PPP1R18: variants seen among roughly 807,000 people sequenced by gnomAD.
The protein encoded by PPP1R18 is phostensin.
PPP1R18 carries 31 observed loss-of-function variants against 54.8 expected under a neutral mutation model. The ratio of observed to expected loss-of-function variants is 0.57; its 90% CI spans 0.43 to 0.76. PPP1R18 has a LOEUF of 0.76. PPP1R18 is among the 30% of genes least tolerant of loss of function. The pLI is 0.00. For synonymous variants in PPP1R18, 310 were observed against 320.2 expected, an observed-to-expected ratio of 0.97 and a Z score of 0.34; for missense variants, 685 against 776.1, an observed-to-expected ratio of 0.88 and a Z score of 1.39.
Position 30,684,698 on chromosome 6 carries a change from G to A in PPP1R18, c.1321C>T (p.Pro441Ser), listed in dbSNP as rs1009271733. 2.7e-6 allele frequency: 4 copies of A among 1,478,662 alleles called. No homozygotes were observed. The highest frequency in any genetic ancestry group is 2.2e-4 in the Middle Eastern group (1 of 4,502). The allele number at this position is 1,478,662 out of a possible 1,614,324, so 91.6% of individuals were successfully genotyped here. Residue 441 changes from proline (P) to serine (S), a missense_variant, in exon 1 of 3, where the codon CCC (proline) becomes TCC (serine). By Grantham distance (74) the Pro-to-Ser change is moderately conservative. Coordinates refer to ENST00000274853, the MANE Select transcript of PPP1R18 (RefSeq NM_133471.4). The surrounding 1 kb of genome is among the most constrained non-coding windows in gnomAD (Gnocchi z 6.0). ...LSPPPPAPTA[P>S]QPPGDPLMSR... Reference sequence around the variant, plus strand: ...ATGAGGGGATCCCCAGGAGGTTGGGGGGCAGTTGGGGCTGGGGGTGGGGGA... The same window carrying A: ...ATGAGGGGATCCCCAGGAGGTTGGGAGGCAGTTGGGGCTGGGGGTGGGGGA...
chr6:30,681,763 A>G (rs7745278), intron 1 of PPP1R18, among the ~76,000 whole-genome samples: 11,231 of 151,696 alleles, frequency 0.074, 756 homozygotes, highest in African/African-American at 0.17. Flanking sequence ...CTGTCTCAGA[A>G]AAAAAAAAGA....
intron 1 of PPP1R18, among the ~76,000 whole-genome samples, chr6:30,680,159 G>C (rs976453196): frequency 6.6e-6 from 1 of 152,170 alleles, no homozygotes; most frequent in African/African-American, 2.4e-5. Flanking sequence ...GGGGTCCACA[G>C]TGTGCCCAAA....
rs1365817586 is a variant in PPP1R18, at chr6:30,684,522, C to T, written c.1497G>A (p.Pro499=). The T allele has an allele frequency of 5.6e-6, 9 of 1,612,460 alleles. No homozygotes were observed. Among genetic ancestry groups the T allele is most frequent in the East Asian group, 2.2e-5 (1 of 44,876 alleles). ...TSPATVDAAV[P]GAGKKRYPTA... is the part of the protein sequence containing the mutation. The stretch of plus-strand genomic sequence containing the variant: ...TTGGGTACCGCTTCTTCCCAGCCCC[C>T]GGGACTGCAGCATCAACTGTGGCTG... Residue 499 remains proline, a synonymous_variant, in exon 1 of 3, where the codon CCG becomes CCA. Transcript: ENST00000274853. This position sits in a 1 kb window ranked among gnomAD's most constrained non-coding sequence, Gnocchi z 6.0.
At chr6:30,688,218 A>C, upstream of PPP1R18, 2 of 182,526 alleles carry the variant, frequency 1.1e-5, no homozygotes, top group Non-Finnish European at 2.3e-5. The surrounding 1 kb of genome is among the most constrained non-coding windows in gnomAD (Gnocchi z 5.9). Context: ...TGGTGAGGCA[A>C]GGTTGGGGCC....
chr6:30,682,933 C>A (rs1770637912), intron 1 of PPP1R18, among the ~76,000 whole-genome samples: 1 of 152,198 alleles, frequency 6.6e-6, no homozygotes, highest in African/African-American at 2.4e-5. Context: ...AGTGACTTTT[C>A]TGAACACCTC....
chr6:30,679,147 G>C lies in PPP1R18; in HGVS notation c.1822+32C>G, dbSNP rs760149556. ...CACAGCGCCCGCTCTGACAGCAGGG[G>C]GCGCCCTCGGGCCGGCGGAGCCTCC... On this transcript the variant is annotated intron_variant, in intron 2 of 2. Transcript: ENST00000274853. 1.9e-6 allele frequency: 3 copies of C among 1,581,122 alleles called. No individual in the cohort carries two copies. The Admixed American group carries it at 5.1e-5, about 27-fold the overall frequency.
At chr6:30,688,256 T>C, upstream of PPP1R18, 1 of 215,768 alleles carries the variant, frequency 4.6e-6, no homozygotes, top group Non-Finnish European at 9.4e-6. The surrounding 1 kb of genome is among the most constrained non-coding windows in gnomAD (Gnocchi z 5.9). Context: ...CCGTTGAACT[T>C]GCAGACCCTG....
At position 30,679,207 on chromosome 6, in the gene PPP1R18, G is replaced by A; in HGVS notation, c.1794C>T (p.Gly598=). The part of the protein sequence containing the change: ...ELLLLQPELQ[G]GLRTKALIVD... Reference sequence around the variant, plus strand: ...CAATCAGGGCCTTGGTGCGCAGCCCGCCCTGGAGCTCTGGCTGCAGCAGCA... The same window carrying A: ...CAATCAGGGCCTTGGTGCGCAGCCCACCCTGGAGCTCTGGCTGCAGCAGCA... The change falls in exon 2 of 3, where the codon GGC becomes GGT. Residue 598 remains glycine (G), a synonymous_variant. Transcript: ENST00000274853. 2.5e-6 allele frequency: 4 copies of A among 1,585,638 alleles called. No homozygotes were observed. Among genetic ancestry groups the A allele is most frequent in the South Asian group, 1.1e-5 (1 of 88,874 alleles).
chr6:30,687,985 C>T (rs1163875099), upstream of PPP1R18: 1 of 152,336 alleles, frequency 6.6e-6, no homozygotes, highest in Non-Finnish European at 1.5e-5. This position sits in a 1 kb window ranked among gnomAD's most constrained non-coding sequence, Gnocchi z 7.9. Context: ...CCCAGGCTCC[C>T]TCTGGCTTTC....
Position 30,683,227 on chromosome 6 carries a change from A to G in PPP1R18, c.1611+1181T>C, listed in dbSNP as rs766148830. Among the ~76,000 whole-genome samples the G allele has an allele frequency of 5.9e-5, 9 of 152,238 alleles. No individual in the cohort carries two copies. Among genetic ancestry groups the G allele is most frequent in the Non-Finnish European group, 1.2e-4 (8 of 68,042 alleles). Reference sequence around the variant, plus strand: ...GGATGAGAATGAGACTGGGCTTCCCAGGCTCTGGGGAGATGTGTGTGACTG... The same window carrying G: ...GGATGAGAATGAGACTGGGCTTCCCGGGCTCTGGGGAGATGTGTGTGACTG... On this transcript the variant is annotated intron_variant, in intron 1 of 2. Coordinates refer to ENST00000274853, the MANE Select transcript of PPP1R18 (RefSeq NM_133471.4). This position sits in a 1 kb window ranked among gnomAD's most constrained non-coding sequence, Gnocchi z 5.1.
Position 30,684,911 on chromosome 6 carries a change from C to A in PPP1R18, c.1108G>T (p.Gly370Cys). The A allele has an allele frequency of 1.9e-6, 3 of 1,613,012 alleles. No homozygotes were observed. Among genetic ancestry groups the A allele is most frequent in the Non-Finnish European group, 2.5e-6 (3 of 1,180,024 alleles). Residue 370 changes from glycine (G) to cysteine (C), a missense_variant, in exon 1 of 3, where the codon GGT becomes TGT. Coordinates refer to ENST00000274853, the MANE Select transcript of PPP1R18 (RefSeq NM_133471.4). This position sits in a 1 kb window ranked among gnomAD's most constrained non-coding sequence, Gnocchi z 6.0. ...ESAEKLLESPGVEAGEGEAEK... is the reference protein window; with the variant it reads ...ESAEKLLESPCVEAGEGEAEK... ...GCCTCCCCTTCTCCAGCCTCCACAC[C>A]GGGAGATTCCAGAAGCTTCTCTGCT...
At chr6:30,679,128 G>A (rs1301357208) in intron 2 of PPP1R18, 51 bp downstream of exon 2, 1 of 1,515,002 alleles carries the variant, frequency 6.6e-7, no homozygotes, top group East Asian at 2.3e-5. Flanking sequence ...GGACCACAGC[G>A]CCCGCTCTGA....
At position 30,676,413 on chromosome 6, in the gene PPP1R18, G is replaced by A. The variant is rs1206518684; in HGVS notation, c.*856C>T. On this transcript the variant is annotated 3_prime_UTR_variant, in exon 3 of 3. Transcript: ENST00000274853. The stretch of plus-strand genomic sequence containing the variant: ...GTTGAAGAGAACTCCATTTTATTAT[G>A]GAAAGTTAAAAAACAAACAAAACAA... 6.6e-6 allele frequency: 1 copy of A among 151,758 alleles called. No individual in the cohort carries two copies. Among genetic ancestry groups the A allele is most frequent in the Non-Finnish European group, 1.5e-5 (1 of 67,992 alleles). The allele number at this position is 151,758 out of a possible 1,614,324, so 9.4% of individuals were successfully genotyped here. A position where few individuals can be genotyped will look rare whatever the true frequency, so the allele number is the denominator to read the frequency against.
intron 2 of PPP1R18, among the ~76,000 whole-genome samples, 161 bp downstream of exon 2, chr6:30,679,018 G>T (rs962288307): frequency 4.6e-5 from 7 of 152,078 alleles, no homozygotes; most frequent in Non-Finnish European, 7.4e-5. Context: ...CTTCACTGCC[G>T]GGGACCTCAG....
Position 30,684,435 on chromosome 6 carries a change from C to T in PPP1R18, c.1584G>A (p.Lys528=). The part of the protein sequence containing the change: ...YLRLSRSCLA[K]GSPERHHKQL... Reference sequence around the variant, plus strand: ...GTTTGTGGTGTCTTTCGGGGGACCCCTTGGCAAGGCAGCTGCGGCTGAGAC... The same window carrying T: ...GTTTGTGGTGTCTTTCGGGGGACCCTTTGGCAAGGCAGCTGCGGCTGAGAC... Residue 528 remains lysine (K), a synonymous_variant, in exon 1 of 3, where the codon AAG becomes AAA. Coordinates refer to ENST00000274853, the MANE Select transcript of PPP1R18 (RefSeq NM_133471.4). The surrounding 1 kb of genome is among the most constrained non-coding windows in gnomAD (Gnocchi z 6.0). 6.3e-7 allele frequency: 1 copy of T among 1,588,420 alleles called. No individual in the cohort carries two copies. The highest frequency in any genetic ancestry group is 8.6e-7 in the Non-Finnish European group (1 of 1,165,332).
chr6:30,685,466 G>A lies in PPP1R18; in HGVS notation c.553C>T (p.Arg185Ter), dbSNP rs1004131375. Reference sequence around the variant, plus strand: ...CTCCATTTCCATGCCTCTGACAGTCGGGAGCTCCTGTCTCCCACCTCTCCT... The same window carrying A: ...CTCCATTTCCATGCCTCTGACAGTCAGGAGCTCCTGTCTCCCACCTCTCCT... ...SPGEVGDRSS[R>*]LSEAWKWRLS... The change falls in exon 1 of 3, where the codon CGA (arginine) becomes TGA (stop). Residue 185 changes from arginine to a stop codon, truncating the protein, a stop_gained. Coordinates refer to ENST00000274853, the MANE Select transcript of PPP1R18 (RefSeq NM_133471.4). LOFTEE classifies it high-confidence loss of function. This position sits in a 1 kb window ranked among gnomAD's most constrained non-coding sequence, Gnocchi z 5.0. The A allele has an allele frequency of 3.7e-6, 6 of 1,612,780 alleles. No individual in the cohort carries two copies. The highest frequency in any genetic ancestry group is 1.3e-5 in the African/African-American group (1 of 74,896).
rs144500610 is a variant in PPP1R18 at position 30,685,189 on chromosome 6, C to A, written c.830G>T (p.Gly277Val). 3 of 1,613,102 alleles carry A rather than the reference C, an allele frequency of 1.9e-6. No homozygotes were observed. The African/African-American group carries it at 4.0e-5, about 21-fold the overall frequency. Residue 277 changes from glycine (G) to valine (V), a missense_variant, in exon 1 of 3, where the codon GGG becomes GTG. Physicochemically the swap from Gly to Val is moderately radical, Grantham distance 109. Coordinates refer to ENST00000274853, the MANE Select transcript of PPP1R18 (RefSeq NM_133471.4). This position sits in a 1 kb window ranked among gnomAD's most constrained non-coding sequence, Gnocchi z 5.0. ...EERQDYSEEC[G>V]RKEEWPVPGV... ...TGGAACTGGCCACTCTTCTTTTCTC[C>A]CACATTCTTCCGAGTAGTCTTGTCT...
chr6:30,678,542 A>AT (rs1235590085), intron 2 of PPP1R18, among the ~76,000 whole-genome samples: 7 of 150,588 alleles, frequency 4.6e-5, no homozygotes, highest in Admixed American at 2.7e-4. Context: ...CGCCCAGCTA[A>AT]TTTTTTTTTG....
chr6:30,685,017 C>T lies in PPP1R18; in HGVS notation c.1002G>A (p.Trp334Ter), dbSNP rs2127614077. The T allele has an allele frequency of 6.2e-7, 1 of 1,613,202 alleles. No individual in the cohort carries two copies. Among genetic ancestry groups the T allele is most frequent in the Non-Finnish European group, 8.5e-7 (1 of 1,179,990 alleles). Residue 334 changes from tryptophan to a stop codon, truncating the protein, a stop_gained, in exon 1 of 3, where the codon TGG becomes TGA. Transcript: ENST00000274853. LOFTEE classifies it high-confidence loss of function. This position sits in a 1 kb window ranked among gnomAD's most constrained non-coding sequence, Gnocchi z 5.0. ...CTCGAGCCTTCCCGGAGTTCAGGGT[C>T]CATTTCCACCCTTCTGTTGGCTTCA... is the stretch of plus-strand genomic sequence containing the variant. ...RGMKPTEGWK[W>*]TLNSGKAREW... is the part of the protein sequence containing the mutation.
Sources: allele counts gnomAD v4.1 joint callset (sites outside exome capture counted in the v4.1 genomes callset), GRCh38; gene constraint gnomAD v4.1.1; non-coding constraint Gnocchi (gnomAD v3.1); transcripts MANE v1.5; gene names NCBI Gene and HGNC (gene_info 2026-07-23, HGNC 2026-07-21).